The following SVOP variants were observed in gnomAD, a reference collection of about 807,000 sequenced individuals.
SVOP encodes synaptic vesicle 2-related protein.
SVOP carries 17 observed loss-of-function variants against 69.1 expected under a neutral mutation model. The ratio of observed to expected loss-of-function variants is 0.25; its 90% CI spans 0.17 to 0.37. The LOEUF is 0.37. Among genes scored for constraint, SVOP ranks in the 10% least tolerant of loss-of-function variants. The pLI is 1.00. For missense variants in SVOP, 435 were observed against 597.5 expected (o/e 0.73, Z 2.84); for synonymous variants, 238 against 238.6 (o/e 1.00, Z 0.02).
intron 1 of SVOP, among the ~76,000 whole-genome samples, chr12:109,003,409 G>A (rs764324458): frequency 8.5e-5 from 13 of 152,190 alleles, no homozygotes; most frequent in East Asian, 3.8e-4. Flanking sequence ...CTCTGCTTTC[G>A]TCTGTGAAGT....
At chr12:108,988,553 A>T (rs1213052804) in intron 1 of SVOP, among the ~76,000 whole-genome samples, 4 of 152,094 alleles carry the variant, frequency 2.6e-5, no homozygotes, top group Non-Finnish European at 4.4e-5. Context: ...TCGAGAATTT[A>T]TTTCTGAGCT....
At position 108,945,007 on chromosome 12, in the gene SVOP, T is replaced by C. The variant is rs530615771; in HGVS notation, c.642+96A>G. 107 of 1,191,852 alleles carry C rather than the reference T, an allele frequency of 9.0e-5. No individual in the cohort carries two copies. The South Asian group carries it at 1.4e-3, about 16-fold the overall frequency. 73.8% of individuals were successfully genotyped at this position (1,191,852 alleles called of 1,614,324 possible). A position where few individuals can be genotyped will look rare whatever the true frequency, so the allele number is the denominator to read the frequency against. ...ATATTGAGTCTGTAATGTTTTTTTC[T>C]TAAACTCCCTTTTCCTTGACCTGTG... On this transcript the variant is annotated intron_variant, in intron 7 of 15. Transcript: ENST00000610966.
chr12:108,992,577 G>C (rs1257420752), intron 1 of SVOP, among the ~76,000 whole-genome samples: 1 of 152,070 alleles, frequency 6.6e-6, no homozygotes, highest in Non-Finnish European at 1.5e-5. Context: ...GAAACCTCCT[G>C]AAACTACTGA....
intron 11 of SVOP, among the ~76,000 whole-genome samples, chr12:108,930,833 T>C (rs7313861): frequency 0.47 from 71,737 of 152,090 alleles, 18,992 homozygotes; most frequent in East Asian, 0.64. Context: ...CAGCTCACTA[T>C]GTATGGAGAA....
At chr12:108,955,180 G>A (rs2039978398) in intron 6 of SVOP, among the ~76,000 whole-genome samples, 2 of 152,140 alleles carry the variant, frequency 1.3e-5, no homozygotes, top group South Asian at 2.1e-4. Context: ...CCTTATATGA[G>A]AAGAAAATCC....
chr12:108,968,845 G>C (rs556206441), intron 5 of SVOP, among the ~76,000 whole-genome samples: 67 of 152,200 alleles, frequency 4.4e-4, no homozygotes, highest in African/African-American at 1.4e-3. Flanking sequence ...CCAGGCTGGA[G>C]TGTAGTGGCA....
chr12:108,948,724 T>C (rs1474763735), intron 6 of SVOP, among the ~76,000 whole-genome samples: 1 of 152,210 alleles, frequency 6.6e-6, no homozygotes, highest in Non-Finnish European at 1.5e-5. Context: ...GATATATATA[T>C]ACTACCAAAG....
chr12:108,990,984 C>T (rs1401735607), intron 1 of SVOP, among the ~76,000 whole-genome samples: 19 of 152,188 alleles, frequency 1.2e-4, no homozygotes, highest in Admixed American at 1.1e-3. Flanking sequence ...GGCAGGCAAG[C>T]GATTCTGCTG....
chr12:108,915,252 T>C (rs555606992), intron 15 of SVOP, among the ~76,000 whole-genome samples: 3 of 151,890 alleles, frequency 2.0e-5, no homozygotes, highest in Admixed American at 6.5e-5. Flanking sequence ...TATTGCATGA[T>C]GCTGAAGTTT....
At chr12:108,958,596 T>C (rs1288932083) in intron 6 of SVOP, among the ~76,000 whole-genome samples, 1 of 152,140 alleles carries the variant, frequency 6.6e-6, no homozygotes, top group Non-Finnish European at 1.5e-5. Flanking sequence ...ATGACTATAT[T>C]TGAAGCAAGT....
At chr12:108,987,689 T>A (rs1053704491) in intron 1 of SVOP, among the ~76,000 whole-genome samples, 1 of 152,218 alleles carries the variant, frequency 6.6e-6, no homozygotes, top group African/African-American at 2.4e-5. Flanking sequence ...ATTTCCCTAA[T>A]GTTGAGCAAC....
In SVOP at chr12:108,988,892, C is replaced by T. The variant is rs1393011211; in HGVS notation, c.36-5131G>A. On this transcript the variant is annotated intron_variant, in intron 1 of 15. Transcript: ENST00000610966. ...GGTTCAAGTGATTCTCCTCCCTCAG[C>T]CTCCTGAGTAGCTGGGACTACAGGC... 2.6e-5 allele frequency among the ~76,000 whole-genome samples: 4 copies of T among 151,842 alleles called. No homozygotes were observed. The East Asian group carries it at 7.7e-4, about 29-fold the overall frequency.
At chr12:108,947,329 G>A (rs1283009479) in intron 6 of SVOP, among the ~76,000 whole-genome samples, 2 of 151,990 alleles carry the variant, frequency 1.3e-5, no homozygotes, top group African/African-American at 2.4e-5. Flanking sequence ...ACACAGCTAA[G>A]AGATTATCTG....
chr12:108,987,264 C>A (rs1311154268), intron 1 of SVOP, among the ~76,000 whole-genome samples: 1 of 152,192 alleles, frequency 6.6e-6, no homozygotes, highest in African/African-American at 2.4e-5. Flanking sequence ...AATGTTGCAG[C>A]ACATTGCAGA....
chr12:109,011,500 G>A (rs902354580), intron 1 of SVOP, among the ~76,000 whole-genome samples: 1 of 152,144 alleles, frequency 6.6e-6, no homozygotes, highest in Non-Finnish European at 1.5e-5. Flanking sequence ...CAGGCGGATG[G>A]GAGCCAGCAG....
intron 1 of SVOP, among the ~76,000 whole-genome samples, chr12:109,001,186 C>G: frequency 1.7e-5 from 1 of 57,412 alleles, no homozygotes; most frequent in Non-Finnish European, 3.8e-5. Context: ...AGAGCCAAAT[C>G]ATGAGTGAAC....
intron 1 of SVOP, among the ~76,000 whole-genome samples, chr12:109,012,780 T>A (rs1483014597): frequency 2.0e-5 from 3 of 152,020 alleles, no homozygotes; most frequent in Admixed American, 6.6e-5. Flanking sequence ...ATATAAAAAA[T>A]GAGCCAGGCG....
chr12:108,980,994 C>G (rs2040132611), intron 2 of SVOP, among the ~76,000 whole-genome samples: 2 of 152,140 alleles, frequency 1.3e-5, no homozygotes, highest in Non-Finnish European at 1.5e-5. Flanking sequence ...CTCATCAGCC[C>G]CTGCTGGGAG....
intron 4 of SVOP, 95 bp from the exon 5 acceptor site, chr12:108,972,571 T>C (rs2040085638): frequency 1.6e-6 from 2 of 1,250,902 alleles, no homozygotes; most frequent in Middle Eastern, 2.3e-4. Flanking sequence ...ACCCTCTAGG[T>C]AACAGCAATG....
Sources: allele counts gnomAD v4.1 joint callset (sites outside exome capture counted in the v4.1 genomes callset), GRCh38; gene constraint gnomAD v4.1.1; transcripts MANE v1.5; gene names NCBI Gene and HGNC (gene_info 2026-07-23, HGNC 2026-07-21).